ACTR3C: variants seen among roughly 807,000 people sequenced by gnomAD.
ACTR3C encodes the protein actin-related protein 3C.
ACTR3C carries 18 observed loss-of-function variants against 26.3 expected under a neutral mutation model. That is an observed-to-expected ratio of 0.68 (90% CI 0.47 to 1.01). The LOEUF (loss-of-function observed/expected upper bound fraction) is 1.01. Among genes scored for constraint, ACTR3C ranks in the 50% least tolerant of loss-of-function variants. ACTR3C has a pLI of 0.00. For missense variants in ACTR3C, 184 were observed against 250.7 expected (o/e 0.73, Z 1.80); for synonymous variants, 55 against 94.5 (o/e 0.58, Z 2.42).
chr7:149,988,475 A>T, the ACTR3C span, among the ~76,000 whole-genome samples: 86 of 151,486 alleles, frequency 5.7e-4, no homozygotes, highest in African/African-American at 2.1e-3. Context: ...CTTTAGCACC[A>T]TGTAAATTCC....
At chr7:150,036,368 G>A in the ACTR3C span, among the ~76,000 whole-genome samples, 9 of 126,646 alleles carry the variant, frequency 7.1e-5, no homozygotes, top group East Asian at 9.4e-4. Context: ...CGTAGGCTAC[G>A]GGCCTCAGCC....
chr7:150,044,859 C>T, the ACTR3C span: 5 of 152,256 alleles, frequency 3.3e-5, no homozygotes, highest in East Asian at 9.6e-4. Context: ...ACAGTCTTCC[C>T]TGACAAGCCA....
the ACTR3C span, chr7:150,001,090 C>G: frequency 6.6e-6 from 1 of 152,162 alleles, no homozygotes; most frequent in Non-Finnish European, 1.5e-5. Context: ...AGGCCGCCTC[C>G]CAGGAAAAAG....
the ACTR3C span, among the ~76,000 whole-genome samples, chr7:149,904,295 G>A: frequency 6.6e-6 from 1 of 150,562 alleles, no homozygotes; most frequent in Non-Finnish European, 1.5e-5. Context: ...ACGCTGGGGA[G>A]CTGAGGTGGG....
the ACTR3C span, among the ~76,000 whole-genome samples, chr7:150,208,348 A>C: frequency 6.6e-6 from 1 of 152,214 alleles, no homozygotes; most frequent in African/African-American, 2.4e-5. Flanking sequence ...AGCTGAATAC[A>C]GAACAGGGCA....
chr7:150,048,597 A>G, the ACTR3C span, among the ~76,000 whole-genome samples: 1 of 151,726 alleles, frequency 6.6e-6, no homozygotes, highest in Admixed American at 6.6e-5. Context: ...AGGTCGAGGC[A>G]GGCAGGCCGG....
chr7:150,253,454 T>C (rs1256180188), intron 6 of ACTR3C, among the ~76,000 whole-genome samples: 1 of 152,188 alleles, frequency 6.6e-6, no homozygotes, highest in Non-Finnish European at 1.5e-5. Context: ...CATCCTGACT[T>C]CTTTAACTAA....
chr7:150,036,605 G>C, the ACTR3C span, among the ~76,000 whole-genome samples: 2 of 143,650 alleles, frequency 1.4e-5, no homozygotes, highest in Non-Finnish European at 3.2e-5. Flanking sequence ...TGCAATGTTT[G>C]GGATCCACAG....
intron 1 of ACTR3C, among the ~76,000 whole-genome samples, chr7:150,318,686 C>T (rs936934581): frequency 1.1e-4 from 16 of 152,054 alleles, no homozygotes; most frequent in African/African-American, 1.2e-4. Context: ...CGCTTGAACC[C>T]GAAGAGCCGA....
At chr7:150,259,415 GACC>G (rs1833487167) in intron 6 of ACTR3C, among the ~76,000 whole-genome samples, 1 of 152,142 alleles carries the variant, frequency 6.6e-6, no homozygotes, top group African/African-American at 2.4e-5. Context: ...ACGAATATCT[GACC>G]CTATGAACTT....
the ACTR3C span, among the ~76,000 whole-genome samples, chr7:150,030,493 C>T: frequency 1.3e-5 from 2 of 152,114 alleles, no homozygotes; most frequent in African/African-American, 4.8e-5. Context: ...CTGTCTCTCC[C>T]CAGACTGACA....
chr7:149,934,305 A>T, the ACTR3C span, among the ~76,000 whole-genome samples: 78 of 152,286 alleles, frequency 5.1e-4, no homozygotes, highest in African/African-American at 1.8e-3. Flanking sequence ...AGCTCCACTC[A>T]ACACTAGCAA....
chr7:150,305,884 G>A (rs1375383584), intron 1 of ACTR3C, among the ~76,000 whole-genome samples: 2 of 152,150 alleles, frequency 1.3e-5, no homozygotes, highest in African/African-American at 4.8e-5. Flanking sequence ...TCCATCATTT[G>A]GGCCTCTCAA....
chr7:150,241,707 T>C (rs1832184300), downstream of ACTR3C, among the ~76,000 whole-genome samples: 1 of 152,068 alleles, frequency 6.6e-6, no homozygotes. Context: ...AAAGGCTAGG[T>C]ACAGATTGCA....
chr7:149,939,253 TA>T, the ACTR3C span, among the ~76,000 whole-genome samples: 1 of 152,176 alleles, frequency 6.6e-6, no homozygotes, highest in East Asian at 1.9e-4. Flanking sequence ...GTGCTGGGAT[TA>T]CAGGCATGAG....
chr7:150,295,513 C>T (rs1431697175), intron 1 of ACTR3C, among the ~76,000 whole-genome samples, 166 bp from the exon 2 acceptor site: 1 of 152,288 alleles, frequency 6.6e-6, no homozygotes, highest in African/African-American at 2.4e-5. Context: ...TGGCCGTGGG[C>T]CTTAAAAGCT....
the ACTR3C span, among the ~76,000 whole-genome samples, chr7:149,993,800 G>C: frequency 6.6e-6 from 1 of 152,200 alleles, no homozygotes; most frequent in South Asian, 2.1e-4. Flanking sequence ...CTGACCCCAC[G>C]GGGCTGGCCT....
chr7:150,150,072 T>C, the ACTR3C span, among the ~76,000 whole-genome samples: 42 of 151,766 alleles, frequency 2.8e-4, no homozygotes, highest in African/African-American at 9.7e-4. Flanking sequence ...CCTTCCCTGC[T>C]ATATACACCC....
chr7:150,023,219 ATATAGATCTCTATATATCTC>A, the ACTR3C span, among the ~76,000 whole-genome samples: 1 of 145,284 alleles, frequency 6.9e-6, no homozygotes, highest in African/African-American at 2.5e-5. Flanking sequence ...CTATATCTCT[ATATAGATCTCTATATATCTC>A]TCTATCTCTA....
Sources: allele counts gnomAD v4.1 joint callset (sites outside exome capture counted in the v4.1 genomes callset), GRCh38; gene constraint gnomAD v4.1.1; transcripts MANE v1.5; gene names NCBI Gene and HGNC (gene_info 2026-07-23, HGNC 2026-07-21).